The following HS6ST2 variants were observed in gnomAD, a reference collection of about 807,000 sequenced individuals.
The protein encoded by HS6ST2 is heparan sulfate 6-O-sulfotransferase 2.
A neutral mutation model predicts 33.0 loss-of-function variants in HS6ST2; 17 were observed. The observed-to-expected ratio is 0.52, with a 90% CI of 0.35 to 0.77. The LOEUF (loss-of-function observed/expected upper bound fraction) is 0.77. Ranked by LOEUF, HS6ST2 falls within the 30% of genes least tolerant of loss-of-function variation. HS6ST2 has a pLI of 0.01. For missense variants in HS6ST2, 519 were observed against 551.7 expected, an observed-to-expected ratio of 0.94 and a Z score of 0.59; for synonymous variants, 248 against 237.1, an observed-to-expected ratio of 1.05 and a Z score of -0.42.
intron 2 of HS6ST2, among the ~76,000 whole-genome samples, chrX:132,798,789 A>G (rs1419440891): frequency 8.9e-6 from 1 of 111,772 alleles, no homozygotes; most frequent in Non-Finnish European, 1.9e-5. Context: ...TCCTGCTACA[A>G]TGTCCCAAGC....
chrX:132,822,500 A>T (rs1392541500), intron 2 of HS6ST2, among the ~76,000 whole-genome samples: 1 of 110,585 alleles, frequency 9.0e-6, no homozygotes, highest in Admixed American at 9.6e-5. Context: ...AGCTCCCCAA[A>T]CTCTGCCTGG....
At chrX:132,795,873 T>C (rs1259855647) in intron 2 of HS6ST2, among the ~76,000 whole-genome samples, 1 of 111,920 alleles carries the variant, frequency 8.9e-6, no homozygotes, top group African/African-American at 3.2e-5. Flanking sequence ...CCTCCCAAAG[T>C]GCTTGGATTA....
chrX:132,669,089 G>A (rs1198632200), intron 4 of HS6ST2, 24 bp downstream of exon 4: 5 of 1,048,756 alleles, frequency 4.8e-6, no homozygotes, highest in Non-Finnish European at 6.7e-6. Context: ...TATGTCAGAT[G>A]TACAGGAGCA....
intron 2 of HS6ST2, among the ~76,000 whole-genome samples, chrX:132,857,143 G>C (rs375785327): frequency 8.9e-6 from 1 of 112,580 alleles, no homozygotes; most frequent in Non-Finnish European, 1.9e-5. Flanking sequence ...ACAAAGGAAT[G>C]ATCTAGGCAA....
chrX:132,787,218 T>C (rs1487660682), intron 2 of HS6ST2, among the ~76,000 whole-genome samples: 18 of 87,633 alleles, frequency 2.1e-4, no homozygotes, highest in South Asian at 5.1e-4. Flanking sequence ...TATATACACA[T>C]ATATATATAC....
Position 132,958,176 on chromosome X carries a change from T to C in HS6ST2, c.427A>G (p.Ser143Gly). 1 of 1,139,037 alleles carries C rather than the reference T, an allele frequency of 8.8e-7. No individual in the cohort carries two copies. 93.9% of individuals were successfully genotyped at this position (1,139,037 alleles called of 1,213,427 possible). ...IFSKIFGPMA[S>G]VGNMDEKSNK... ...ACCCCGCTTTCACCTAGAACGTACC[T>C]GGCCATGGGGCCGAAAATCTTGGAG... The change falls in exon 1 of 5, where the codon AGC becomes GGC. Residue 143 changes from serine (S) to glycine (G), a missense_variant and splice_region_variant. Transcript: ENST00000370833.
intron 2 of HS6ST2, among the ~76,000 whole-genome samples, chrX:132,936,316 T>C (rs960687648): frequency 1.8e-5 from 2 of 111,023 alleles, no homozygotes; most frequent in Admixed American, 1.9e-4. Context: ...CTATAAAAAG[T>C]AAAGTGATCA....
At position 132,628,506 on chromosome X, in the gene HS6ST2, C is replaced by T. The variant is rs267606357; in HGVS notation, c.1655G>A (p.Arg552Gln). Reference sequence around the variant, plus strand: ...AAATTTGCGTTGTTCCTGACGCTTTCGCCTGGCCTCCTGATGCTCTTTCTG... The same window carrying T: ...AAATTTGCGTTGTTCCTGACGCTTTTGCCTGGCCTCCTGATGCTCTTTCTG... ...MRQKEHQEAR[R>Q]KRQEQRKFLK... is the part of the protein sequence containing the mutation. Residue 552 changes from arginine (R) to glutamine (Q), a missense_variant, in exon 5 of 5, where the codon CGA becomes CAA. Coordinates refer to ENST00000370833, the MANE Select transcript of HS6ST2 (RefSeq NM_001394073.1). The T allele has an allele frequency of 6.6e-6, 8 of 1,208,986 alleles. No individual in the cohort carries two copies. Among genetic ancestry groups the T allele is most frequent in the South Asian group, 5.3e-5 (3 of 56,745 alleles).
chrX:132,753,658 C>T (rs1464492781), intron 2 of HS6ST2, among the ~76,000 whole-genome samples: 4 of 111,733 alleles, frequency 3.6e-5, no homozygotes, highest in African/African-American at 9.8e-5. Flanking sequence ...TACCCAGTTT[C>T]GGGTATGTCT....
intron 4 of HS6ST2, among the ~76,000 whole-genome samples, chrX:132,629,431 A>G (rs1168967908): frequency 2.7e-5 from 3 of 111,128 alleles, no homozygotes; most frequent in Non-Finnish European, 5.7e-5. Context: ...AATCTTCCCA[A>G]TGACACCATT....
At chrX:132,888,148 T>C (rs769251065) in intron 2 of HS6ST2, among the ~76,000 whole-genome samples, 1 of 111,677 alleles carries the variant, frequency 9.0e-6, no homozygotes, top group Non-Finnish European at 1.9e-5. Context: ...AGTTGGTAGA[T>C]TTTTTTTAAG....
chrX:132,746,889 A>C (rs1006959103), intron 2 of HS6ST2, among the ~76,000 whole-genome samples: 9 of 111,449 alleles, frequency 8.1e-5, no homozygotes, highest in African/African-American at 2.9e-4. Flanking sequence ...TGAATAACAA[A>C]CAACTCGTTT....
chrX:132,794,980 A>C (rs1039505721), intron 2 of HS6ST2, among the ~76,000 whole-genome samples: 46 of 110,274 alleles, frequency 4.2e-4, no homozygotes, highest in Non-Finnish European at 2.1e-4. Context: ...ACATTTCCAG[A>C]CTGAAGTCCC....
At chrX:132,910,784 C>CT (rs1315769728) in intron 2 of HS6ST2, among the ~76,000 whole-genome samples, 2 of 111,614 alleles carry the variant, frequency 1.8e-5, no homozygotes, top group Non-Finnish European at 3.8e-5. Flanking sequence ...GGTTCCTTGC[C>CT]TTTCGTCCAT....
intron 2 of HS6ST2, among the ~76,000 whole-genome samples, chrX:132,795,014 A>G (rs1288251962): frequency 1.8e-5 from 2 of 110,753 alleles, no homozygotes; most frequent in African/African-American, 6.6e-5. Context: ...AAGAACCTGC[A>G]GGCAGTGGCA....
intron 2 of HS6ST2, among the ~76,000 whole-genome samples, chrX:132,806,436 G>T (rs985195043): frequency 3.7e-5 from 4 of 109,539 alleles, no homozygotes; most frequent in African/African-American, 1.3e-4. Context: ...CAGAGTTTTG[G>T]AATAACAGTG....
intron 4 of HS6ST2, among the ~76,000 whole-genome samples, chrX:132,637,931 A>T (rs1210187115): frequency 2.8e-5 from 2 of 71,984 alleles, no homozygotes; most frequent in Non-Finnish European, 4.9e-5. Context: ...TATATATATT[A>T]TATATAATAT....
At chrX:132,772,807 A>G (rs1425073631) in intron 2 of HS6ST2, among the ~76,000 whole-genome samples, 2 of 91,445 alleles carry the variant, frequency 2.2e-5, no homozygotes, top group African/African-American at 8.2e-5. Context: ...TATAAAATAT[A>G]ATATATATTA....
In HS6ST2 at chrX:132,807,625, A is replaced by G. The variant is rs1014951775; in HGVS notation, c.948-99131T>C. On this transcript the variant is annotated intron_variant, in intron 2 of 4. Coordinates refer to ENST00000370833, the MANE Select transcript of HS6ST2 (RefSeq NM_001394073.1). ...AAATGCTGAATGTGGCAAAATTGAA[A>G]ATGTTAACACCTTAAAAGACATAGA... is the stretch of plus-strand genomic sequence containing the variant. 3.7e-4 allele frequency among the ~76,000 whole-genome samples: 41 copies of G among 111,907 alleles called. 1 individual carries two copies. Among genetic ancestry groups the G allele is most frequent in the Non-Finnish European group, 2.1e-4 (11 of 53,219 alleles).
Sources: allele counts gnomAD v4.1 joint callset (sites outside exome capture counted in the v4.1 genomes callset), GRCh38; gene constraint gnomAD v4.1.1; transcripts MANE v1.5; gene names NCBI Gene and HGNC (gene_info 2026-07-23, HGNC 2026-07-21).